Variants in DSP observed in about 807,000 individuals in gnomAD.
DSP encodes 250/210 kDa paraneoplastic pemphigus antigen.
DSP carries 114 observed loss-of-function variants against 290.6 expected under a neutral mutation model. The observed-to-expected ratio is 0.39, with a 90% CI of 0.34 to 0.46. DSP has a LOEUF of 0.46. Among genes scored for constraint, DSP ranks in the 20% least tolerant of loss-of-function variants. The pLI is 0.99. For missense variants in DSP, 3,230 were observed against 3,495.8 expected (o/e 0.92, Z 1.92); for synonymous variants, 1,311 against 1,316.4 (o/e 1.00, Z 0.09).
At chr6:7,574,563 A>T (rs777078289) in intron 16 of DSP, 94 bp from the exon 17 acceptor site, 97 of 1,553,810 alleles carry the variant, frequency 6.2e-5, no homozygotes, top group Non-Finnish European at 8.3e-5. Context: ...ATCTGCTTTG[A>T]CGTTGTTCCC....
In DSP at chr6:7,571,591, T is replaced by G; in HGVS notation, c.1903+7T>G. The G allele has an allele frequency of 6.2e-7, 1 of 1,614,038 alleles. No homozygotes were observed. Among genetic ancestry groups the G allele is most frequent in the Non-Finnish European group, 8.5e-7 (1 of 1,179,944 alleles). On this transcript the variant is annotated splice_region_variant and intron_variant, in intron 14 of 23. Coordinates refer to ENST00000379802, the MANE Select transcript of DSP (RefSeq NM_004415.4). ...TATCCCCAGCACCAGACAGGTCGGCTTGGGACATCTTTCTCTTTGTATCAA... is the reference window on the plus strand; with the variant it reads ...TATCCCCAGCACCAGACAGGTCGGCGTGGGACATCTTTCTCTTTGTATCAA...
At chr6:7,573,830 T>C (rs1759137692) in intron 15 of DSP, among the ~76,000 whole-genome samples, 1 of 152,072 alleles carries the variant, frequency 6.6e-6, no homozygotes, top group Admixed American at 6.6e-5. Context: ...AATCTAGAGA[T>C]CTAAATTCAG....
At position 7,571,434 on chromosome 6, in the gene DSP, T is replaced by A; in HGVS notation, c.1753T>A (p.Leu585Ile). 6.2e-7 allele frequency: 1 copy of A among 1,614,060 alleles called. No individual in the cohort carries two copies. The highest frequency in any genetic ancestry group is 8.5e-7 in the Non-Finnish European group (1 of 1,180,014). ...CATGAAGACGATAGCCGACCTTGAGTTACATTACCAAGAGTTCATCAGAAA... is the reference window on the plus strand; with the variant it reads ...CATGAAGACGATAGCCGACCTTGAGATACATTACCAAGAGTTCATCAGAAA... ...DYMKTIADLE[L>I]HYQEFIRNSQ... is the part of the protein sequence containing the mutation. Residue 585 changes from leucine to isoleucine, a missense_variant, in exon 14 of 24, where the codon TTA becomes ATA. By Grantham distance (5) the Leu-to-Ile change is conservative. Coordinates refer to ENST00000379802, the MANE Select transcript of DSP (RefSeq NM_004415.4).
chr6:7,563,498 G>A (rs2113666502), intron 5 of DSP, among the ~76,000 whole-genome samples: 1 of 152,228 alleles, frequency 6.6e-6, no homozygotes, highest in East Asian at 1.9e-4. Context: ...GAGTCTTTAA[G>A]TGACCCTGAT....
intron 1 of DSP, among the ~76,000 whole-genome samples, chr6:7,542,575 C>A (rs1363903927): frequency 1.3e-5 from 2 of 152,224 alleles, no homozygotes; most frequent in Non-Finnish European, 1.5e-5. Flanking sequence ...TCCCCAGTAA[C>A]CCCGAGACCA....
Position 7,585,958 on chromosome 6 carries a change from C to G in DSP, c.*80C>G, listed in dbSNP as rs1759660488. 7.0e-7 allele frequency: 1 copy of G among 1,420,920 alleles called. No homozygotes were observed. Among genetic ancestry groups the G allele is most frequent in the South Asian group, 1.2e-5 (1 of 85,598 alleles). 88.0% of individuals were successfully genotyped at this position (1,420,920 alleles called of 1,614,324 possible). A position where few individuals can be genotyped will look rare whatever the true frequency, so the allele number is the denominator to read the frequency against. On this transcript the variant is annotated 3_prime_UTR_variant, in exon 24 of 24. Transcript: ENST00000379802. ...TTATTAAATAATAGAAAAGAAAATC[C>G]CGGTGCTTGCAGTAGAGTGATAGGA...
Position 7,541,752 on chromosome 6 carries a change from C to A in DSP, c.-164C>A. The A allele has an allele frequency of 1.2e-6, 1 of 846,210 alleles. No homozygotes were observed. The highest frequency in any genetic ancestry group is 1.7e-6 in the Non-Finnish European group (1 of 580,716). The allele number at this position is 846,210 out of a possible 1,614,324, so 52.4% of individuals were successfully genotyped here. Reference sequence around the variant, plus strand: ...CCCGTCGCCGTCTCCGCGCTCGCAGCGGCCTCGGGAGGGCCCAGGTAGCGA... The same window carrying A: ...CCCGTCGCCGTCTCCGCGCTCGCAGAGGCCTCGGGAGGGCCCAGGTAGCGA... On this transcript the variant is annotated 5_prime_UTR_variant, in exon 1 of 24. Transcript: ENST00000379802.
chr6:7,558,013 G>GT (rs1581792582), intron 2 of DSP, 103 bp from the exon 3 acceptor site: 1 of 1,420,238 alleles, frequency 7.0e-7, no homozygotes, highest in Non-Finnish European at 1.0e-6. Context: ...GAAACTTACA[G>GT]TTTTTGTCAT....
intron 6 of DSP, among the ~76,000 whole-genome samples, chr6:7,564,998 G>A (rs1404914199): frequency 1.3e-5 from 2 of 152,096 alleles, no homozygotes; most frequent in Non-Finnish European, 2.9e-5. Context: ...ACAAAAATTA[G>A]CAGGACGTGG....
At position 7,580,261 on chromosome 6, in the gene DSP, G is replaced by T. The variant is rs569786610; in HGVS notation, c.4071G>T (p.Glu1357Asp). 1 of 1,613,882 alleles carries T rather than the reference G, an allele frequency of 6.2e-7. No individual in the cohort carries two copies. Among genetic ancestry groups the T allele is most frequent in the East Asian group, 2.2e-5 (1 of 44,876 alleles). The change falls in exon 23 of 24, where the codon GAG (glutamate) becomes GAT (aspartate). Residue 1357 changes from glutamate (E) to aspartate (D), a missense_variant. Coordinates refer to ENST00000379802, the MANE Select transcript of DSP (RefSeq NM_004415.4). The surrounding 1 kb of genome is among the most constrained non-coding windows in gnomAD (Gnocchi z 4.2). The part of the protein sequence containing the change: ...ELSKVRNNYD[E>D]EIISLKNQFE... ...GTAAGGTAAGAAACAATTATGATGA[G>T]GAGATCATTAGCTTAAAAAATCAGT...
intron 1 of DSP, among the ~76,000 whole-genome samples, chr6:7,542,535 G>C (rs1474520473): frequency 6.6e-6 from 1 of 152,196 alleles, no homozygotes; most frequent in Non-Finnish European, 1.5e-5. Flanking sequence ...GGTGCTCGGG[G>C]CTCCGCAGTC....
At chr6:7,556,049 C>A (rs1360670462) in intron 2 of DSP, among the ~76,000 whole-genome samples, 1 of 152,230 alleles carries the variant, frequency 6.6e-6, no homozygotes, top group African/African-American at 2.4e-5. Flanking sequence ...CCCCTCCCAA[C>A]AAATGTTTAC....
Position 7,567,849 on chromosome 6 carries a change from C to T in DSP, c.1209C>T (p.Tyr403=). ...TCCAGGACTCCATCAGGAAGAAGTA[C>T]CCCTGCGACAAGAACATGCCCCTGC... ...KGLQDSIRKK[Y]PCDKNMPLQH... The change falls in exon 10 of 24, where the codon TAC becomes TAT. Residue 403 remains tyrosine, a synonymous_variant. Coordinates refer to ENST00000379802, the MANE Select transcript of DSP (RefSeq NM_004415.4). 6.2e-7 allele frequency: 1 copy of T among 1,614,028 alleles called. No individual in the cohort carries two copies. Among genetic ancestry groups the T allele is most frequent in the Non-Finnish European group, 8.5e-7 (1 of 1,179,972 alleles).
chr6:7,561,285 T>TA (rs1758682942), intron 4 of DSP, among the ~76,000 whole-genome samples: 1 of 152,188 alleles, frequency 6.6e-6, no homozygotes, highest in Non-Finnish European at 1.5e-5. Flanking sequence ...AAGCAATTGA[T>TA]AAGCGATGCT....
chr6:7,577,325 T>G (rs1348366387), intron 20 of DSP, among the ~76,000 whole-genome samples: 1 of 131,420 alleles, frequency 7.6e-6, no homozygotes. Context: ...ATAATGGTGT[T>G]TGTTTGTTTG....
At position 7,584,467 on chromosome 6, in the gene DSP, G is replaced by C. The variant is rs1199008500; in HGVS notation, c.7205G>C (p.Ser2402Thr). 8 of 1,614,180 alleles carry C rather than the reference G, an allele frequency of 5.0e-6. No homozygotes were observed. In the South Asian group the frequency reaches 8.8e-5, roughly 18 times the overall value. ...YKRGYFNEEL[S>T]EILSDPSDDT... is the part of the protein sequence containing the mutation. The stretch of plus-strand genomic sequence containing the variant: ...AGGGGCTATTTCAATGAGGAACTCA[G>C]TGAGATTCTCTCAGATCCAAGTGAT... Residue 2402 changes from serine to threonine, a missense_variant, in exon 24 of 24, where the codon AGT becomes ACT. This residue lies in a region of DSP where 207 missense variants were observed against 281.2 expected (regional missense o/e 0.74). Coordinates refer to ENST00000379802, the MANE Select transcript of DSP (RefSeq NM_004415.4). The surrounding 1 kb of genome is among the most constrained non-coding windows in gnomAD (Gnocchi z 6.4).
intron 1 of DSP, among the ~76,000 whole-genome samples, 189 bp downstream of exon 1, chr6:7,542,274 C>T (rs1305628895): frequency 7.0e-6 from 1 of 143,106 alleles, no homozygotes; most frequent in East Asian, 2.2e-4. Flanking sequence ...CAGGTTGGCC[C>T]CTGTCCTGCG....
chr6:7,582,559 C>G lies in DSP; in HGVS notation c.5380-83C>G. On this transcript the variant is annotated intron_variant, in intron 23 of 23. Coordinates refer to ENST00000379802, the MANE Select transcript of DSP (RefSeq NM_004415.4). This position sits in a 1 kb window ranked among gnomAD's most constrained non-coding sequence, Gnocchi z 4.2. ...AGGCTTTTTTTTTTAAAGATAGATACACAAAAGAAAGTTAAGTCGTGATAG... is the reference window on the plus strand; with the variant it reads ...AGGCTTTTTTTTTTAAAGATAGATAGACAAAAGAAAGTTAAGTCGTGATAG... 3.3e-6 allele frequency: 4 copies of G among 1,211,516 alleles called. No individual in the cohort carries two copies. The highest frequency in any genetic ancestry group is 4.8e-6 in the Non-Finnish European group (4 of 836,698). 75.0% of individuals were successfully genotyped at this position (1,211,516 alleles called of 1,614,324 possible). A position where few individuals can be genotyped will look rare whatever the true frequency, so the allele number is the denominator to read the frequency against.
chr6:7,542,469 G>A (rs1758025370), intron 1 of DSP, among the ~76,000 whole-genome samples: 3 of 152,146 alleles, frequency 2.0e-5, no homozygotes, highest in South Asian at 2.1e-4. Flanking sequence ...CTCTCCAACC[G>A]TAATCAAAGT....
Sources: gnomAD v4.1 joint callset for allele counts (sites outside exome capture counted in the v4.1 genomes callset) on GRCh38, gnomAD v4.1.1 for gene constraint, gnomAD v4.1.1 regional missense constraint, Gnocchi (gnomAD v3.1) non-coding constraint, MANE v1.5 for transcripts, NCBI Gene and HGNC (gene_info 2026-07-23, HGNC 2026-07-21) for gene names.